Variants in ZMYM2 observed in about 807,000 individuals in gnomAD.
The protein encoded by ZMYM2 is zinc finger MYM-type containing 2.
Under a neutral mutation model 162.8 loss-of-function variants are expected in ZMYM2, and 56 were observed. The observed-to-expected ratio is 0.34, with a 90% CI of 0.28 to 0.43. ZMYM2 has a LOEUF of 0.43. ZMYM2 is among the 20% of genes least tolerant of loss of function. The probability of loss-of-function intolerance (pLI) is 1.00; values close to 1 mark genes in which losing one functional copy is unlikely to be tolerated. For missense variants in ZMYM2, 1,275 were observed against 1,621.8 expected, an observed-to-expected ratio of 0.79 and a Z score of 3.67; for synonymous variants, 510 against 541.6, an observed-to-expected ratio of 0.94 and a Z score of 0.81.
At chr13:19,954,121 GT>G (rs1373958349), upstream of ZMYM2, among the ~76,000 whole-genome samples, 3 of 36,108 alleles carry the variant, frequency 8.3e-5, no homozygotes, top group Non-Finnish European at 2.3e-4. Context: ...TTAGTGCTAT[GT>G]TTAATTTTTT....
chr13:19,928,805 A>C, the ZMYM2 span, among the ~76,000 whole-genome samples: 6 of 151,800 alleles, frequency 4.0e-5, no homozygotes, highest in Admixed American at 2.0e-4. Context: ...TCAAAAAAAA[A>C]AAAAACAAAA....
the ZMYM2 span, among the ~76,000 whole-genome samples, chr13:19,898,937 T>G: frequency 6.7e-6 from 1 of 149,384 alleles, no homozygotes; most frequent in Admixed American, 6.7e-5. Context: ...CACTTCTTTT[T>G]TTTTTTTTTT....
intron 10 of ZMYM2, among the ~76,000 whole-genome samples, chr13:20,033,076 TG>T (rs762122685): frequency 6.6e-6 from 1 of 152,110 alleles, no homozygotes; most frequent in African/African-American, 2.4e-5. Flanking sequence ...TTTTAGTGAC[TG>T]ATAACCTTTA....
chr13:19,999,606 A>G (rs1051898155), intron 3 of ZMYM2, among the ~76,000 whole-genome samples: 5 of 152,206 alleles, frequency 3.3e-5, no homozygotes, highest in Admixed American at 6.5e-5. Context: ...TGTTCAAGTG[A>G]AAGAAAACCT....
Position 20,026,592 on chromosome 13 carries a change from T to C in ZMYM2, c.1585-20T>C, listed in dbSNP as rs1952603037. The C allele has an allele frequency of 6.4e-7, 1 of 1,573,960 alleles. No individual in the cohort carries two copies. The highest frequency in any genetic ancestry group is 8.6e-7 in the Non-Finnish European group (1 of 1,167,692). On this transcript the variant is annotated intron_variant, in intron 7 of 24. Transcript: ENST00000610343. ...TAAGTTGTAGTCTTAAAAATTATCTTTTTATGTTTCAAATTTTAGAAATAT... is the reference window on the plus strand; with the variant it reads ...TAAGTTGTAGTCTTAAAAATTATCTCTTTATGTTTCAAATTTTAGAAATAT...
At chr13:20,053,494 T>TA (rs1243984798) in intron 14 of ZMYM2, among the ~76,000 whole-genome samples, 1 of 151,972 alleles carries the variant, frequency 6.6e-6, no homozygotes, top group East Asian at 1.9e-4. Flanking sequence ...CTACTAAAAA[T>TA]ACAAAAAATT....
At chr13:20,032,165 C>T (rs1953224733) in intron 10 of ZMYM2, among the ~76,000 whole-genome samples, 1 of 152,174 alleles carries the variant, frequency 6.6e-6, no homozygotes. Flanking sequence ...GCCACCATGC[C>T]CGGCCATAAT....
chr13:19,930,052 G>A, the ZMYM2 span, among the ~76,000 whole-genome samples: 4 of 152,142 alleles, frequency 2.6e-5, no homozygotes, highest in Non-Finnish European at 5.9e-5. Context: ...GAGCCCAAGA[G>A]TTTGAGACCA....
At chr13:19,917,648 G>A in the ZMYM2 span, among the ~76,000 whole-genome samples, 6 of 149,904 alleles carry the variant, frequency 4.0e-5, no homozygotes, top group East Asian at 4.0e-4. Flanking sequence ...TGCTTATTAC[G>A]TCAACTTTCC....
At chr13:20,055,653 G>T (rs545848537) in intron 14 of ZMYM2, among the ~76,000 whole-genome samples, 1 of 152,126 alleles carries the variant, frequency 6.6e-6, no homozygotes, top group Non-Finnish European at 1.5e-5. Flanking sequence ...CAGTATTAAT[G>T]AATCAACATT....
chr13:19,955,080 G>A (rs1456968281), upstream of ZMYM2, among the ~76,000 whole-genome samples: 2 of 151,918 alleles, frequency 1.3e-5, no homozygotes, highest in African/African-American at 4.8e-5. Context: ...CCAAAGTGCT[G>A]GGATTACAGA....
At chr13:19,890,273 C>T in the ZMYM2 span, among the ~76,000 whole-genome samples, 1 of 151,616 alleles carries the variant, frequency 6.6e-6, no homozygotes, top group East Asian at 1.9e-4. Context: ...CTCAAGTGAT[C>T]CTCCCACCTC....
chr13:20,008,751 A>G (rs1232088188), intron 6 of ZMYM2, among the ~76,000 whole-genome samples: 1 of 151,972 alleles, frequency 6.6e-6, no homozygotes, highest in Non-Finnish European at 1.5e-5. Flanking sequence ...TTTTTTGTGC[A>G]TTCTTTAAGG....
chr13:19,919,557 T>C, the ZMYM2 span, among the ~76,000 whole-genome samples: 2 of 152,306 alleles, frequency 1.3e-5, no homozygotes, highest in South Asian at 4.1e-4. Flanking sequence ...TGTATTGATA[T>C]CTCATTGTGG....
At chr13:19,946,036 C>T in the ZMYM2 span, among the ~76,000 whole-genome samples, 1 of 151,438 alleles carries the variant, frequency 6.6e-6, no homozygotes, top group Non-Finnish European at 1.5e-5. Flanking sequence ...CCTCTCTGTA[C>T]CCCACATCTT....
chr13:20,071,895 C>T (rs1212632563), intron 21 of ZMYM2: 3 of 190,186 alleles, frequency 1.6e-5, no homozygotes, highest in African/African-American at 7.0e-5. Context: ...TCGTTCAAGG[C>T]TTTCTGCACC....
chr13:20,064,503 C>A lies in ZMYM2; in HGVS notation c.3090C>A (p.Gly1030=). The change falls in exon 19 of 25, where the codon GGC becomes GGA. Residue 1030 remains glycine, a synonymous_variant. Coordinates refer to ENST00000610343, the MANE Select transcript of ZMYM2 (RefSeq NM_197968.4). ...ENEFLLPPVF[G]EEYEEQPRPR... ...AATTTTTATTACCACCTGTTTTTGG[C>A]GAAGAATATGAGGAACAGCCCAGAC... 6.3e-7 allele frequency: 1 copy of A among 1,596,702 alleles called. No individual in the cohort carries two copies. Among genetic ancestry groups the A allele is most frequent in the Non-Finnish European group, 8.5e-7 (1 of 1,171,348 alleles).
At chr13:19,918,692 T>G in the ZMYM2 span, among the ~76,000 whole-genome samples, 3 of 150,982 alleles carry the variant, frequency 2.0e-5, no homozygotes, top group African/African-American at 7.3e-5. Context: ...TAGAGACAGG[T>G]TTCATCATAT....
At chr13:19,991,620 T>TTTTC (rs1387715809) in intron 2 of ZMYM2, among the ~76,000 whole-genome samples, 44 of 57,880 alleles carry the variant, frequency 7.6e-4, no homozygotes, top group African/African-American at 2.4e-3. Context: ...TTTCTTTTCT[T>TTTTC]TTTCTTTTTT....
Sources: gnomAD v4.1 joint callset for allele counts (sites outside exome capture counted in the v4.1 genomes callset) on GRCh38, gnomAD v4.1.1 for gene constraint, MANE v1.5 for transcripts, NCBI Gene and HGNC (gene_info 2026-07-23, HGNC 2026-07-21) for gene names.